Variants in AGPAT5 observed in about 807,000 individuals in gnomAD.
AGPAT5 encodes the protein 1-acyl-sn-glycerol-3-phosphate acyltransferase epsilon.
A neutral mutation model predicts 45.6 loss-of-function variants in AGPAT5; 46 were observed. That is an observed-to-expected ratio of 1.01 (90% CI 0.80 to 1.29). AGPAT5 has a LOEUF of 1.29. Among genes scored for constraint, AGPAT5 ranks in the 50% most tolerant of loss-of-function variants. AGPAT5 has a pLI of 0.00. For missense variants in AGPAT5, 673 were observed against 450.7 expected, an observed-to-expected ratio of 1.49 and a Z score of -4.47; for synonymous variants, 272 against 167.0, an observed-to-expected ratio of 1.63 and a Z score of -4.85.
At position 6,711,154 on chromosome 8, in the gene AGPAT5, G is replaced by T. The variant is rs115215255; in HGVS notation, c.219+2267G>T. Among the ~76,000 whole-genome samples the T allele has an allele frequency of 4.2e-3, 637 of 152,296 alleles. 6 individuals carry two copies. The highest frequency in any genetic ancestry group is 0.015 in the African/African-American group (606 of 41,580). ...AGGTTTAAAAAATAAGTGGTTCACA[G>T]TAGTTCTTGCAGAAGAATATTTTCT... On this transcript the variant is annotated intron_variant, in intron 1 of 7. Transcript: ENST00000285518.
Position 6,730,748 on chromosome 8 carries a change from GA to G in AGPAT5, c.329del (p.Asn110MetfsTer3). 1 of 1,613,412 alleles carries G rather than the reference GA, an allele frequency of 6.2e-7. No homozygotes were observed. Among genetic ancestry groups the G allele is most frequent in the Non-Finnish European group, 8.5e-7 (1 of 1,179,482 alleles). ...IVADILAIRQ[N>X]ALGHVRYVLK... ...TTGCTGACATCTTGGCCATCAGGCA[GA>G]ATGCGCTAGGACATGTGCGCTACGT... On this transcript the variant is annotated frameshift_variant, in exon 3 of 8. Transcript: ENST00000285518. LOFTEE classifies it high-confidence loss of function.
At chr8:6,711,820 G>C (rs1800165001) in intron 1 of AGPAT5, among the ~76,000 whole-genome samples, 1 of 152,274 alleles carries the variant, frequency 6.6e-6, no homozygotes, top group South Asian at 2.1e-4. Context: ...CTGCCTTACA[G>C]TCCTTGCTGC....
intron 4 of AGPAT5, among the ~76,000 whole-genome samples, chr8:6,739,820 T>A (rs1801182058): frequency 6.6e-6 from 1 of 152,122 alleles, no homozygotes; most frequent in African/African-American, 2.4e-5. Context: ...GGAAATCCTT[T>A]CCATATTCCT....
intron 4 of AGPAT5, among the ~76,000 whole-genome samples, chr8:6,736,730 G>A (rs900663579): frequency 6.6e-6 from 1 of 152,248 alleles, no homozygotes; most frequent in African/African-American, 2.4e-5. Context: ...CTGAGTTGAA[G>A]GTGAACTGAG....
chr8:6,742,793 T>G lies in AGPAT5; in HGVS notation c.586+1042T>G, dbSNP rs375558051. On this transcript the variant is annotated intron_variant, in intron 5 of 7. Coordinates refer to ENST00000285518, the MANE Select transcript of AGPAT5 (RefSeq NM_018361.5). ...ACAGTACTTTTAAAAAATGCCAGTT[T>G]GTTTTTAAACACATGTCCTATTAAG... Among the ~76,000 whole-genome samples the G allele has an allele frequency of 2.0e-3, 298 of 152,338 alleles. 11 individuals are homozygous for G. The South Asian group carries it at 0.058, about 30-fold the overall frequency.
At chr8:6,717,199 A>G (rs1392511323) in intron 1 of AGPAT5, among the ~76,000 whole-genome samples, 1 of 152,242 alleles carries the variant, frequency 6.6e-6, no homozygotes, top group East Asian at 1.9e-4. Flanking sequence ...CAATTCTCCA[A>G]GGTTTTATGT....
intron 6 of AGPAT5, among the ~76,000 whole-genome samples, chr8:6,752,039 C>A (rs1049716226): frequency 2.0e-5 from 3 of 151,982 alleles, no homozygotes; most frequent in African/African-American, 7.3e-5. Flanking sequence ...TAGCCGGGCA[C>A]AGTGGTAGGC....
intron 1 of AGPAT5, among the ~76,000 whole-genome samples, chr8:6,716,794 T>C (rs1236181439): frequency 6.6e-6 from 1 of 152,028 alleles, no homozygotes; most frequent in Non-Finnish European, 1.5e-5. Flanking sequence ...GATGGCACCA[T>C]TGCACTCCAG....
intron 1 of AGPAT5, among the ~76,000 whole-genome samples, chr8:6,713,969 T>A (rs947836087): frequency 2.6e-4 from 39 of 152,338 alleles, no homozygotes; most frequent in East Asian, 1.9e-3. Context: ...TCCTAATGAG[T>A]TAAATTTATA....
chr8:6,714,477 T>C (rs1800257153), intron 1 of AGPAT5, among the ~76,000 whole-genome samples: 1 of 152,234 alleles, frequency 6.6e-6, no homozygotes, highest in African/African-American at 2.4e-5. Context: ...ACTTTATAAA[T>C]ATAAACCTCT....
chr8:6,748,814 A>G (rs995127860), intron 6 of AGPAT5, among the ~76,000 whole-genome samples: 6 of 152,086 alleles, frequency 3.9e-5, no homozygotes, highest in African/African-American at 1.2e-4. Flanking sequence ...TTGAGCCACT[A>G]TGTATGTCAG....
chr8:6,741,070 T>G (rs1187174379), intron 4 of AGPAT5, among the ~76,000 whole-genome samples: 1 of 152,148 alleles, frequency 6.6e-6, no homozygotes, highest in Non-Finnish European at 1.5e-5. Flanking sequence ...TTGATATTCT[T>G]CTTTATATTA....
At chr8:6,719,115 G>A (rs547058651) in intron 1 of AGPAT5, among the ~76,000 whole-genome samples, 78 of 152,346 alleles carry the variant, frequency 5.1e-4, no homozygotes, top group African/African-American at 1.8e-3. Flanking sequence ...TCTGGAGAAA[G>A]ATTATCAGGA....
At chr8:6,733,240 C>A (rs540603047) in intron 4 of AGPAT5, among the ~76,000 whole-genome samples, 14 of 152,300 alleles carry the variant, frequency 9.2e-5, no homozygotes, top group African/African-American at 3.4e-4. Flanking sequence ...ATCACCGGGG[C>A]GACTTGGGCT....
In AGPAT5 at chr8:6,721,770, C is replaced by T. The variant is rs373402821; in HGVS notation, c.220-3100C>T. Among the ~76,000 whole-genome samples, 6 of 152,282 alleles carry T rather than the reference C, an allele frequency of 3.9e-5. No individual in the cohort carries two copies. The South Asian group carries it at 6.2e-4, about 16-fold the overall frequency. ...TAGCTAGGGCTTGTGAATTAAGAGA[C>T]TGATTAACAGGAGAAGAGGCATACA... On this transcript the variant is annotated intron_variant, in intron 1 of 7. Coordinates refer to ENST00000285518, the MANE Select transcript of AGPAT5 (RefSeq NM_018361.5).
intron 2 of AGPAT5, among the ~76,000 whole-genome samples, chr8:6,727,263 C>G (rs1367226961): frequency 1.3e-5 from 2 of 152,174 alleles, no homozygotes; most frequent in Non-Finnish European, 2.9e-5. Flanking sequence ...TTTCGCTTGA[C>G]ACATCCTTGT....
At chr8:6,756,842 G>T (rs1341597179) in intron 7 of AGPAT5, among the ~76,000 whole-genome samples, 3 of 152,104 alleles carry the variant, frequency 2.0e-5, no homozygotes, top group Non-Finnish European at 4.4e-5. Context: ...GCTGCAGCGG[G>T]TTATTAGCCA....
At chr8:6,751,890 G>C (rs796899278) in intron 6 of AGPAT5, among the ~76,000 whole-genome samples, 1 of 152,038 alleles carries the variant, frequency 6.6e-6, no homozygotes, top group South Asian at 2.1e-4. Context: ...TATATTTAAA[G>C]TATGGAGGCC....
At chr8:6,709,576 A>AG (rs5889183) in intron 1 of AGPAT5, 2 of 142,450 alleles carry the variant, frequency 1.4e-5, no homozygotes, top group African/African-American at 5.3e-5. Flanking sequence ...AAAAAAAAAA[A>AG]GGTGAATTTT....
Sources: allele counts gnomAD v4.1 joint callset (sites outside exome capture counted in the v4.1 genomes callset), GRCh38; gene constraint gnomAD v4.1.1; transcripts MANE v1.5; gene names NCBI Gene and HGNC (gene_info 2026-07-23, HGNC 2026-07-21).